SLC14A2: variants seen among roughly 807,000 people sequenced by gnomAD.
SLC14A2 encodes solute carrier family 14 member 2, also known as urea transporter 2.
Under a neutral mutation model 104.6 loss-of-function variants are expected in SLC14A2, and 91 were observed. The observed-to-expected ratio is 0.87, with a 90% CI of 0.73 to 1.04. The LOEUF (loss-of-function observed/expected upper bound fraction) is 1.04. SLC14A2 is among the 50% of genes least tolerant of loss of function. The probability of loss-of-function intolerance (pLI) is 0.00; values close to 1 mark genes in which losing one functional copy is unlikely to be tolerated. For synonymous variants in SLC14A2, 476 were observed against 466.4 expected, an observed-to-expected ratio of 1.02 and a Z score of -0.27; for missense variants, 1,189 against 1,156.0, an observed-to-expected ratio of 1.03 and a Z score of -0.41.
intron 2 of SLC14A2, among the ~76,000 whole-genome samples, chr18:45,560,165 A>G (rs935935611): frequency 3.3e-5 from 5 of 152,192 alleles, no homozygotes; most frequent in Admixed American, 2.0e-4. Flanking sequence ...GCAATAGCAT[A>G]TATTTGGATA....
In SLC14A2 at chr18:45,408,103, A is replaced by G. The variant is rs899371019; in HGVS notation, c.-124-75130A>G. Among the ~76,000 whole-genome samples, 37 of 152,162 alleles carry G rather than the reference A, an allele frequency of 2.4e-4. 1 individual carries two copies. Among genetic ancestry groups the G allele is most frequent in the Non-Finnish European group, 1.3e-4 (9 of 68,020 alleles). On this transcript the variant is annotated intron_variant, in intron 1 of 20. Transcript: ENST00000586448. ...CAATCAAACAAGGTATGCCTGTAAT[A>G]CCTAAGTCAGGTTGAAATCCATTTG... is the stretch of plus-strand genomic sequence containing the variant.
intron 2 of SLC14A2, among the ~76,000 whole-genome samples, chr18:45,522,349 T>C (rs753223451): frequency 6.6e-6 from 1 of 152,152 alleles, no homozygotes; most frequent in Admixed American, 6.5e-5. Flanking sequence ...CAGCTTGCAG[T>C]AATAAACTCG....
At chr18:45,512,400 A>G (rs2043378384) in intron 2 of SLC14A2, among the ~76,000 whole-genome samples, 2 of 152,190 alleles carry the variant, frequency 1.3e-5, no homozygotes, top group Admixed American at 6.5e-5. Flanking sequence ...ACACTGCCAT[A>G]CCCAGAAAAT....
At position 45,682,435 on chromosome 18, in the gene SLC14A2, G is replaced by A. The variant is rs752346122; in HGVS notation, c.2679G>A (p.Glu893=). 5.0e-6 allele frequency: 8 copies of A among 1,613,988 alleles called. No homozygotes were observed. The Admixed American group carries it at 8.3e-5, about 17-fold the overall frequency. ...KLPLSKVTYP[E]ANRIYYLSQE... ...CGCTCAGCAAAGTCACCTACCCAGA[G>A]GCCAACCGCATCTACTACCTGTCCC... is the stretch of plus-strand genomic sequence containing the variant. The change falls in exon 20 of 20, where the codon GAG becomes GAA. Residue 893 remains glutamate (E), a synonymous_variant. Transcript: ENST00000255226.
intron 2 of SLC14A2, among the ~76,000 whole-genome samples, chr18:45,598,876 G>A (rs1481285180): frequency 6.6e-6 from 1 of 152,168 alleles, no homozygotes; most frequent in African/African-American, 2.4e-5. Context: ...AAAGCACGCA[G>A]ACCGCTTGCT....
At chr18:45,357,634 C>T (rs986545566) in intron 1 of SLC14A2, among the ~76,000 whole-genome samples, 3 of 151,942 alleles carry the variant, frequency 2.0e-5, no homozygotes, top group South Asian at 2.1e-4. Context: ...AAGACCACCC[C>T]ACAGTGTGTG....
intron 2 of SLC14A2, among the ~76,000 whole-genome samples, chr18:45,555,989 G>A (rs2044128209): frequency 6.6e-6 from 1 of 152,116 alleles, no homozygotes; most frequent in Non-Finnish European, 1.5e-5. Context: ...AGACTGGGTG[G>A]CTTATAAACA....
chr18:45,302,237 A>G (rs1599657587), intron 1 of SLC14A2, among the ~76,000 whole-genome samples: 1 of 152,192 alleles, frequency 6.6e-6, no homozygotes, highest in Non-Finnish European at 1.5e-5. Flanking sequence ...TTGAGGTTGG[A>G]TCTTTAATGG....
At chr18:45,454,302 G>A (rs930749728) in intron 1 of SLC14A2, among the ~76,000 whole-genome samples, 2 of 152,158 alleles carry the variant, frequency 1.3e-5, no homozygotes, top group Admixed American at 6.5e-5. Context: ...ACCGATCCAG[G>A]TTCACAGAGC....
chr18:45,392,413 T>C (rs945560035), intron 1 of SLC14A2, among the ~76,000 whole-genome samples: 1 of 152,242 alleles, frequency 6.6e-6, no homozygotes, highest in African/African-American at 2.4e-5. Flanking sequence ...GAAAGCCTCA[T>C]TGCCCTCACA....
intron 2 of SLC14A2, among the ~76,000 whole-genome samples, chr18:45,586,024 G>T (rs988552326): frequency 7.2e-5 from 11 of 152,286 alleles, no homozygotes; most frequent in Admixed American, 7.2e-4. Context: ...ACAAGACAAA[G>T]TGCCCTCTGC....
At chr18:45,625,077 C>A (rs1057289652) in intron 2 of SLC14A2, among the ~76,000 whole-genome samples, 3 of 152,284 alleles carry the variant, frequency 2.0e-5, no homozygotes, top group Admixed American at 2.0e-4. Context: ...CCCCTTAAAC[C>A]TGCTCCCTTG....
intron 1 of SLC14A2, among the ~76,000 whole-genome samples, chr18:45,411,949 C>G (rs1050284707): frequency 6.6e-6 from 1 of 152,166 alleles, no homozygotes; most frequent in Non-Finnish European, 1.5e-5. Flanking sequence ...ACCCTCTCCT[C>G]CATGAACACA....
At chr18:45,170,136 G>A in the SLC14A2 span, among the ~76,000 whole-genome samples, 298 of 152,270 alleles carry the variant, frequency 2.0e-3, 1 homozygote, top group African/African-American at 6.5e-3. Flanking sequence ...CTTTTGAGTC[G>A]TGGCTCGGTC....
At position 45,682,459 on chromosome 18, in the gene SLC14A2, C is replaced by G. The variant is rs748385566; in HGVS notation, c.2703C>G (p.Ser901=). The G allele has an allele frequency of 2.5e-6, 4 of 1,614,136 alleles. No individual in the cohort carries two copies. The Admixed American group carries it at 5.0e-5, about 20-fold the overall frequency. The change falls in exon 20 of 20, where the codon TCC becomes TCG. Residue 901 remains serine (S), a synonymous_variant. Transcript: ENST00000255226. The stretch of plus-strand genomic sequence containing the variant: ...AGGCCAACCGCATCTACTACCTGTC[C>G]CAGGAGAGAAACAGAAGGGCATCAA... ...YPEANRIYYL[S]QERNRRASII...
chr18:45,320,128 G>A lies in SLC14A2; in HGVS notation c.-125+106937G>A, dbSNP rs192782819. ...TAATAATTGTTGCAAAAATTAAAAA[G>A]TACTTTCACAAGTACCACCTTTTAA... On this transcript the variant is annotated intron_variant, in intron 1 of 20. Transcript: ENST00000586448. Among the ~76,000 whole-genome samples, 95 of 152,254 alleles carry A rather than the reference G, an allele frequency of 6.2e-4. 3 individuals carry two copies. In the East Asian group the frequency reaches 0.017, roughly 27 times the overall value.
chr18:45,394,899 A>G (rs1212172610), intron 1 of SLC14A2, among the ~76,000 whole-genome samples: 1 of 152,146 alleles, frequency 6.6e-6, no homozygotes, highest in African/African-American at 2.4e-5. Flanking sequence ...GTCACTGTGA[A>G]AATCAGTATG....
intron 1 of SLC14A2, among the ~76,000 whole-genome samples, chr18:45,344,799 C>A (rs1014207157): frequency 6.6e-6 from 1 of 152,184 alleles, no homozygotes; most frequent in Non-Finnish European, 1.5e-5. Context: ...ATCAATTAGG[C>A]ACCTAATGCA....
chr18:45,247,404 C>T (rs773241640), intron 1 of SLC14A2, among the ~76,000 whole-genome samples: 5 of 152,172 alleles, frequency 3.3e-5, no homozygotes, highest in South Asian at 2.1e-4. Flanking sequence ...CTTCCTTCAA[C>T]GGATTGTGGA....
Sources: allele counts gnomAD v4.1 joint callset (sites outside exome capture counted in the v4.1 genomes callset), GRCh38; gene constraint gnomAD v4.1.1; transcripts MANE v1.5; gene names NCBI Gene and HGNC (gene_info 2026-07-23, HGNC 2026-07-21).